Variants in BAZ2B observed in about 807,000 individuals in gnomAD.
BAZ2B encodes the protein bromodomain adjacent to zinc finger domain 2B.
A neutral mutation model predicts 246.0 loss-of-function variants in BAZ2B; 91 were observed. The observed-to-expected ratio is 0.37, with a 90% CI of 0.31 to 0.44. BAZ2B has a LOEUF of 0.44. Ranked by LOEUF, BAZ2B falls within the 20% of genes least tolerant of loss-of-function variation. BAZ2B has a pLI of 1.00. For synonymous variants in BAZ2B, 855 were observed against 860.0 expected, an observed-to-expected ratio of 0.99 and a Z score of 0.10; for missense variants, 2,332 against 2,533.7, an observed-to-expected ratio of 0.92 and a Z score of 1.71.
At chr2:159,699,817 TTATC>T in the BAZ2B span, among the ~76,000 whole-genome samples, 1 of 152,194 alleles carries the variant, frequency 6.6e-6, no homozygotes, top group Non-Finnish European at 1.5e-5. Flanking sequence ...TCCTAGAACT[TTATC>T]TATGCTGCTT....
At chr2:159,688,033 T>G in the BAZ2B span, among the ~76,000 whole-genome samples, 1 of 152,206 alleles carries the variant, frequency 6.6e-6, no homozygotes, top group Non-Finnish European at 1.5e-5. Flanking sequence ...AGTAAAAGTT[T>G]ATTTTCTATT....
At chr2:159,457,718 T>A (rs2075951600) in intron 3 of BAZ2B, among the ~76,000 whole-genome samples, 1 of 152,168 alleles carries the variant, frequency 6.6e-6, no homozygotes, top group Non-Finnish European at 1.5e-5. Context: ...TCCATTCCCT[T>A]ATTTCTCAGC....
At chr2:159,572,079 G>T (rs1578494115) in intron 1 of BAZ2B, among the ~76,000 whole-genome samples, 1 of 152,142 alleles carries the variant, frequency 6.6e-6, no homozygotes, top group East Asian at 1.9e-4. Context: ...TAAATTACGG[G>T]ATTTGTAGAG....
At chr2:159,678,540 C>T in the BAZ2B span, among the ~76,000 whole-genome samples, 1 of 152,098 alleles carries the variant, frequency 6.6e-6, no homozygotes, top group African/African-American at 2.4e-5. Flanking sequence ...TGGTGCATGC[C>T]TATAGTCCCA....
At chr2:159,450,234 G>A (rs2074865513) in intron 4 of BAZ2B, among the ~76,000 whole-genome samples, 1 of 152,076 alleles carries the variant, frequency 6.6e-6, no homozygotes, top group South Asian at 2.1e-4. Context: ...CACATAGCTG[G>A]TGTGGTGGTA....
Position 159,547,119 on chromosome 2 carries a change from C to T in BAZ2B, c.-3+8704G>A, listed in dbSNP as rs144614663. 4.8e-3 allele frequency among the ~76,000 whole-genome samples: 731 copies of T among 152,122 alleles called. 6 individuals carry two copies. Among genetic ancestry groups the T allele is most frequent in the African/African-American group, 0.017 (692 of 41,516 alleles). ...TATGAACAAAAGTTGAGGGGTTTCT[C>T]TTGAGGAGAAAGAAAATCAGAGAAT... On this transcript the variant is annotated intron_variant, in intron 2 of 36. Transcript: ENST00000392783.
intron 6 of BAZ2B, among the ~76,000 whole-genome samples, chr2:159,442,421 G>A (rs1183392372): frequency 6.6e-6 from 1 of 152,166 alleles, no homozygotes; most frequent in African/African-American, 2.4e-5. Context: ...TATAAGTCAT[G>A]GCAAGGACTT....
chr2:159,349,090 T>C lies in BAZ2B; in HGVS notation c.5054A>G (p.Asn1685Ser). ...SSKSESPVPQNEKATSAQPAA... is the reference protein window; with the variant it reads ...SSKSESPVPQSEKATSAQPAA... ...AGGTTGAGCTGAAGTGGCCTTTTCA[T>C]TCTGTGGTACTGGAGATTCACTTTT... The change falls in exon 29 of 37, where the codon AAT (asparagine) becomes AGT (serine). Residue 1685 changes from asparagine (N) to serine (S), a missense_variant. Physicochemically the swap from Asn to Ser is conservative, Grantham distance 46 (BLOSUM62 1). Coordinates refer to ENST00000392783, the MANE Select transcript of BAZ2B (RefSeq NM_013450.4). 1.2e-6 allele frequency: 2 copies of C among 1,614,154 alleles called. No homozygotes were observed.
intron 3 of BAZ2B, among the ~76,000 whole-genome samples, chr2:159,467,426 C>CG (rs1428770704): frequency 2.0e-5 from 3 of 151,900 alleles, no homozygotes; most frequent in East Asian, 1.9e-4. Flanking sequence ...CCTTTCCCCC[C>CG]CAGGTTTCTG....
intron 31 of BAZ2B, among the ~76,000 whole-genome samples, chr2:159,344,962 C>A (rs533880067): frequency 9.9e-5 from 15 of 152,254 alleles, no homozygotes; most frequent in African/African-American, 3.6e-4. Flanking sequence ...GTAATCCCAG[C>A]ACTTTCGGAG....
At chr2:159,414,686 G>A (rs1000183882) in intron 13 of BAZ2B, among the ~76,000 whole-genome samples, 1 of 151,820 alleles carries the variant, frequency 6.6e-6, no homozygotes, top group African/African-American at 2.4e-5. Flanking sequence ...GCACGGTGGC[G>A]GGTGCCTGTA....
chr2:159,550,787 T>C (rs1470547266), intron 2 of BAZ2B, among the ~76,000 whole-genome samples: 1 of 152,064 alleles, frequency 6.6e-6, no homozygotes, highest in African/African-American at 2.4e-5. Context: ...GAGGTGTATC[T>C]CTACAAAATT....
chr2:159,484,853 G>T (rs1205228785), intron 2 of BAZ2B, among the ~76,000 whole-genome samples: 1 of 152,068 alleles, frequency 6.6e-6, no homozygotes, highest in Non-Finnish European at 1.5e-5. Context: ...AAAAAGTATA[G>T]CCACAGATTA....
In BAZ2B at chr2:159,361,813, G is replaced by T. The variant is rs530351820; in HGVS notation, c.4213+11232C>A. On this transcript the variant is annotated intron_variant, in intron 27 of 36. Transcript: ENST00000392783. ...AGTTCATGTCCTTTGCAGGGACATG[G>T]ATGAAGCTGGAAACCATCATTCTTA... Among the ~76,000 whole-genome samples, 147 of 152,234 alleles carry T rather than the reference G, an allele frequency of 9.7e-4. 1 individual carries two copies. The highest frequency in any genetic ancestry group is 3.2e-3 in the African/African-American group (134 of 41,534).
intron 6 of BAZ2B, among the ~76,000 whole-genome samples, chr2:159,446,229 AG>A (rs2074230003): frequency 6.6e-6 from 1 of 152,196 alleles, no homozygotes; most frequent in Non-Finnish European, 1.5e-5. Context: ...GTGGCAAAGA[AG>A]AAAAGAGTGA....
downstream of BAZ2B, among the ~76,000 whole-genome samples, chr2:159,317,206 T>A (rs1161284285): frequency 6.6e-6 from 1 of 152,110 alleles, no homozygotes; most frequent in South Asian, 2.1e-4. Flanking sequence ...TTGTTGAGGA[T>A]GTGTTTAAAG....
At chr2:159,572,172 T>A (rs1340655822) in intron 1 of BAZ2B, among the ~76,000 whole-genome samples, 3 of 152,180 alleles carry the variant, frequency 2.0e-5, no homozygotes. Context: ...ATGCTCAGGA[T>A]CCTATTACAC....
intron 2 of BAZ2B, among the ~76,000 whole-genome samples, chr2:159,491,613 T>C (rs1218132238): frequency 4.2e-5 from 6 of 142,978 alleles, no homozygotes; most frequent in Admixed American, 7.2e-5. Flanking sequence ...CCCAGCTACT[T>C]GGGAGGCTGA....
At position 159,438,230 on chromosome 2, in the gene BAZ2B, G is replaced by A. The variant is rs746561552; in HGVS notation, c.1293+73C>T. 8 of 1,308,564 alleles carry A rather than the reference G, an allele frequency of 6.1e-6. No individual in the cohort carries two copies. The Admixed American group carries it at 1.5e-4, about 24-fold the overall frequency. The allele number at this position is 1,308,564 out of a possible 1,614,324, so 81.1% of individuals were successfully genotyped here. A position where few individuals can be genotyped will look rare whatever the true frequency, so the allele number is the denominator to read the frequency against. The stretch of plus-strand genomic sequence containing the variant: ...AAGGTAGAATTTAACTTAAACTTGT[G>A]TATTGTAAGACAATATAGAAGCTCT... On this transcript the variant is annotated intron_variant, in intron 8 of 36. Coordinates refer to ENST00000392783, the MANE Select transcript of BAZ2B (RefSeq NM_013450.4).
Sources: gnomAD v4.1 joint callset for allele counts (sites outside exome capture counted in the v4.1 genomes callset) on GRCh38, gnomAD v4.1.1 for gene constraint, MANE v1.5 for transcripts, NCBI Gene and HGNC (gene_info 2026-07-23, HGNC 2026-07-21) for gene names.